The following GLRA3 variants were observed in gnomAD, a reference collection of about 807,000 sequenced individuals.
GLRA3 encodes glycine receptor alpha 3.
In GLRA3, 44 loss-of-function variants were observed where a neutral mutation model predicts 60.4. The observed-to-expected ratio is 0.73, with a 90% CI of 0.57 to 0.94. The LOEUF is 0.94. Among genes scored for constraint, GLRA3 ranks in the 40% least tolerant of loss-of-function variants. The pLI is 0.00. For missense variants in GLRA3, 508 were observed against 564.6 expected (o/e 0.90, Z 1.02); for synonymous variants, 223 against 192.9 (o/e 1.16, Z -1.29).
intron 5 of GLRA3, among the ~76,000 whole-genome samples, chr4:174,712,124 A>G (rs1735739275): frequency 6.6e-6 from 1 of 151,956 alleles, no homozygotes; most frequent in Non-Finnish European, 1.5e-5. Context: ...TCCTCTAACT[A>G]GGAATTTTGT....
intron 1 of GLRA3, among the ~76,000 whole-genome samples, chr4:174,812,416 T>C (rs917127139): frequency 6.6e-6 from 1 of 152,150 alleles, no homozygotes; most frequent in Non-Finnish European, 1.5e-5. Flanking sequence ...CAGATGTTTA[T>C]GTTAATATCC....
At chr4:174,698,504 T>A (rs1365372654) in intron 5 of GLRA3, among the ~76,000 whole-genome samples, 1 of 152,134 alleles carries the variant, frequency 6.6e-6, no homozygotes, top group Non-Finnish European at 1.5e-5. Flanking sequence ...TTGGGATTTT[T>A]GAAGCCTGAT....
At chr4:174,823,918 C>A (rs1740853267) in intron 1 of GLRA3, among the ~76,000 whole-genome samples, 1 of 152,338 alleles carries the variant, frequency 6.6e-6, no homozygotes, top group African/African-American at 2.4e-5. Context: ...TAAGCCTCAT[C>A]TCTACAGCTG....
At chr4:174,816,014 C>A (rs186822335) in intron 1 of GLRA3, among the ~76,000 whole-genome samples, 2 of 152,064 alleles carry the variant, frequency 1.3e-5, no homozygotes, top group African/African-American at 4.8e-5. Context: ...AATGAGTGCA[C>A]GTGGGAATTC....
intron 8 of GLRA3, among the ~76,000 whole-genome samples, chr4:174,657,883 C>A (rs1362013090): frequency 6.6e-6 from 1 of 152,108 alleles, no homozygotes; most frequent in Admixed American, 6.5e-5. Flanking sequence ...ATGCTGAATG[C>A]TGATGTTCTT....
intron 5 of GLRA3, among the ~76,000 whole-genome samples, chr4:174,706,676 T>C (rs1002857047): frequency 6.6e-6 from 1 of 152,210 alleles, no homozygotes; most frequent in African/African-American, 2.4e-5. Flanking sequence ...ATAAACTTTT[T>C]ATCTGTATCT....
At chr4:174,753,858 A>AT (rs1737579669) in intron 3 of GLRA3, among the ~76,000 whole-genome samples, 1 of 152,128 alleles carries the variant, frequency 6.6e-6, no homozygotes, top group African/African-American at 2.4e-5. Context: ...TAAAAATGCA[A>AT]TTTTTAAATT....
intron 1 of GLRA3, among the ~76,000 whole-genome samples, chr4:174,796,317 G>C (rs1190445188): frequency 6.6e-6 from 1 of 152,132 alleles, no homozygotes; most frequent in Non-Finnish European, 1.5e-5. Context: ...AATAAATTGT[G>C]TTGTGTATAA....
chr4:174,687,382 C>G (rs144769384), intron 5 of GLRA3, among the ~76,000 whole-genome samples: 1 of 152,220 alleles, frequency 6.6e-6, no homozygotes, highest in African/African-American at 2.4e-5. Flanking sequence ...AATGGGAAGT[C>G]TGCACAAAAT....
intron 2 of GLRA3, among the ~76,000 whole-genome samples, chr4:174,779,550 A>G (rs1738778006): frequency 6.6e-6 from 1 of 152,172 alleles, no homozygotes; most frequent in Admixed American, 6.5e-5. Flanking sequence ...AAGGCAAAGA[A>G]GTTGAAAACT....
At chr4:174,688,358 TA>T (rs1734637721) in intron 5 of GLRA3, among the ~76,000 whole-genome samples, 1 of 130,388 alleles carries the variant, frequency 7.7e-6, no homozygotes, top group East Asian at 2.2e-4. Context: ...TATATATATA[TA>T]TATATATATT....
At chr4:174,752,330 C>G (rs1252387450) in intron 3 of GLRA3, among the ~76,000 whole-genome samples, 1 of 152,078 alleles carries the variant, frequency 6.6e-6, no homozygotes, top group Non-Finnish European at 1.5e-5. Context: ...CTGAAGCAAA[C>G]AAAGTGACTT....
At chr4:174,676,548 T>C (rs1734124694) in intron 7 of GLRA3, among the ~76,000 whole-genome samples, 1 of 152,288 alleles carries the variant, frequency 6.6e-6, no homozygotes, top group African/African-American at 2.4e-5. Flanking sequence ...TGTGTCTATA[T>C]ATGGATATAT....
At chr4:174,676,112 GA>G (rs1734107103) in intron 7 of GLRA3, among the ~76,000 whole-genome samples, 1 of 152,176 alleles carries the variant, frequency 6.6e-6, no homozygotes, top group South Asian at 2.1e-4. Context: ...TTTAGGGGAA[GA>G]AAATAATTTT....
chr4:174,686,343 A>T (rs946889411), intron 5 of GLRA3, among the ~76,000 whole-genome samples: 9 of 152,210 alleles, frequency 5.9e-5, no homozygotes, highest in African/African-American at 2.2e-4. Context: ...GAGAATGCTA[A>T]AGAGAACAGA....
intron 4 of GLRA3, among the ~76,000 whole-genome samples, chr4:174,726,032 G>T (rs1201726054): frequency 6.6e-6 from 1 of 152,224 alleles, no homozygotes; most frequent in Non-Finnish European, 1.5e-5. Context: ...CTCTATACAG[G>T]CCTGTGAGGG....
chr4:174,663,643 T>C (rs1733547031), intron 7 of GLRA3, among the ~76,000 whole-genome samples: 1 of 152,182 alleles, frequency 6.6e-6, no homozygotes. Flanking sequence ...ATTTCAAGTC[T>C]GTTTCTCCTC....
intron 5 of GLRA3, among the ~76,000 whole-genome samples, chr4:174,699,013 T>C (rs1035319002): frequency 6.6e-6 from 1 of 151,938 alleles, no homozygotes; most frequent in Non-Finnish European, 1.5e-5. Context: ...TTTTTTTTTT[T>C]TGGAGACGGG....
At chr4:174,777,353 A>G (rs865993801) in intron 2 of GLRA3, among the ~76,000 whole-genome samples, 2 of 152,248 alleles carry the variant, frequency 1.3e-5, no homozygotes, top group Admixed American at 6.5e-5. Flanking sequence ...ATATTATTCA[A>G]TGATGAAAAG....
Sources: gnomAD v4.1 joint callset for allele counts (sites outside exome capture counted in the v4.1 genomes callset) on GRCh38, gnomAD v4.1.1 for gene constraint, MANE v1.5 for transcripts, NCBI Gene and HGNC (gene_info 2026-07-23, HGNC 2026-07-21) for gene names.